The following ABTB3 variants were observed in gnomAD, a reference collection of about 807,000 sequenced individuals.
The protein encoded by ABTB3 is ankyrin repeat- and BTB/POZ domain-containing protein 3.
At chr12:107,566,705 A>G in the ABTB3 span, among the ~76,000 whole-genome samples, 4 of 149,904 alleles carry the variant, frequency 2.7e-5, no homozygotes, top group African/African-American at 1.0e-4. Flanking sequence ...ACCAAAACAC[A>G]GTTCATGAAA....
chr12:107,622,232 C>T, the ABTB3 span, among the ~76,000 whole-genome samples: 11 of 152,116 alleles, frequency 7.2e-5, no homozygotes, highest in East Asian at 1.7e-3. Flanking sequence ...GGGGTGGGAG[C>T]GGGTAGGTGG....
At chr12:107,413,079 C>A in the ABTB3 span, among the ~76,000 whole-genome samples, 1 of 152,010 alleles carries the variant, frequency 6.6e-6, no homozygotes. Context: ...TCGAGACCAT[C>A]CTGGCTAACA....
At chr12:107,335,428 A>G in the ABTB3 span, among the ~76,000 whole-genome samples, 2 of 151,432 alleles carry the variant, frequency 1.3e-5, no homozygotes, top group African/African-American at 2.4e-5. Flanking sequence ...TGCCCTCAGT[A>G]TATCATCTAT....
the ABTB3 span, among the ~76,000 whole-genome samples, chr12:107,493,077 G>GAAA: frequency 7.6e-6 from 1 of 130,928 alleles, no homozygotes. Context: ...AAGCCACAGA[G>GAAA]AAAAGAAAAA....
At chr12:107,375,724 T>G in the ABTB3 span, among the ~76,000 whole-genome samples, 3 of 152,250 alleles carry the variant, frequency 2.0e-5, no homozygotes. Context: ...CCTTACTACT[T>G]GGTTTCTGTG....
chr12:107,356,175 G>A, the ABTB3 span, among the ~76,000 whole-genome samples: 6 of 152,178 alleles, frequency 3.9e-5, no homozygotes, highest in East Asian at 3.9e-4. Context: ...AGGAAATGGC[G>A]TGATATACGG....
chr12:107,508,438 C>CTTTTTTTTT, the ABTB3 span, among the ~76,000 whole-genome samples: 335 of 69,148 alleles, frequency 4.8e-3, 63 homozygotes, highest in Non-Finnish European at 6.2e-3. Context: ...AAGATCATTT[C>CTTTTTTTTT]TTTTTTTTTT....
the ABTB3 span, chr12:107,649,184 T>A: frequency 6.2e-7 from 1 of 1,602,166 alleles, no homozygotes; most frequent in Non-Finnish European, 8.6e-7. Context: ...CTGTTGACAC[T>A]GTTCTCTGTG....
At chr12:107,497,410 AC>A in the ABTB3 span, among the ~76,000 whole-genome samples, 45,957 of 151,454 alleles carry the variant, frequency 0.3, 9,012 homozygotes, top group African/African-American at 0.56. Flanking sequence ...CATCATCACC[AC>A]CATCACCATT....
chr12:107,465,089 T>C, the ABTB3 span, among the ~76,000 whole-genome samples: 1 of 152,110 alleles, frequency 6.6e-6, no homozygotes, highest in Non-Finnish European at 1.5e-5. Context: ...GGCTAGACCA[T>C]GGAGGGCCTT....
chr12:107,651,738 C>A, the ABTB3 span: 1 of 1,613,988 alleles, frequency 6.2e-7, no homozygotes, highest in South Asian at 1.1e-5. Flanking sequence ...ATTATCTGTG[C>A]GAAAAGCATC....
At chr12:107,392,634 A>C in the ABTB3 span, among the ~76,000 whole-genome samples, 1 of 152,086 alleles carries the variant, frequency 6.6e-6, no homozygotes, top group Non-Finnish European at 1.5e-5. Flanking sequence ...GCTATCTTTG[A>C]CCAAATTCCA....
At chr12:107,603,275 G>A in the ABTB3 span, among the ~76,000 whole-genome samples, 1 of 152,338 alleles carries the variant, frequency 6.6e-6, no homozygotes, top group South Asian at 2.1e-4. Context: ...GACAAATCGG[G>A]TTGAACAGAA....
At chr12:107,602,894 T>C in the ABTB3 span, among the ~76,000 whole-genome samples, 1 of 152,166 alleles carries the variant, frequency 6.6e-6, no homozygotes, top group African/African-American at 2.4e-5. Flanking sequence ...GTCATGTCCC[T>C]GAAGTGGTGG....
chr12:107,443,237 G>C, the ABTB3 span, among the ~76,000 whole-genome samples: 1 of 152,004 alleles, frequency 6.6e-6, no homozygotes, highest in Non-Finnish European at 1.5e-5. Flanking sequence ...GAATTGAAGA[G>C]AATGAAATGG....
At chr12:107,559,422 T>TGGAAACTGAGGCTGGCCCAGC in the ABTB3 span, among the ~76,000 whole-genome samples, 2,559 of 151,888 alleles carry the variant, frequency 0.017, 69 homozygotes, top group African/African-American at 0.057. Context: ...AGCTGCCCAG[T>TGGAAACTGAGGCTGGCCCAGC]GCAAACTGAG....
chr12:107,581,275 C>A, the ABTB3 span: 1 of 1,479,436 alleles, frequency 6.8e-7, no homozygotes, highest in Non-Finnish European at 8.9e-7. Context: ...TGCTGCTGCC[C>A]GGCGTGGACT....
the ABTB3 span, among the ~76,000 whole-genome samples, chr12:107,526,273 C>T: frequency 6.6e-6 from 1 of 152,128 alleles, no homozygotes; most frequent in Non-Finnish European, 1.5e-5. Flanking sequence ...CAAGAGGCCA[C>T]GAAAATCGCC....
chr12:107,644,060 G>A, the ABTB3 span, among the ~76,000 whole-genome samples: 2 of 152,128 alleles, frequency 1.3e-5, no homozygotes, highest in South Asian at 4.1e-4. Flanking sequence ...GAGCTACTAC[G>A]TGTGGCATTA....
Sources: gnomAD v4.1 joint callset for allele counts (sites outside exome capture counted in the v4.1 genomes callset) on GRCh38, gnomAD v4.1.1 for gene constraint, MANE v1.5 for transcripts, NCBI Gene and HGNC (gene_info 2026-07-23, HGNC 2026-07-21) for gene names.